SGCD: variants seen among roughly 807,000 people sequenced by gnomAD.
The protein encoded by SGCD is delta-sarcoglycan.
Under a neutral mutation model 36.6 loss-of-function variants are expected in SGCD, and 18 were observed. The observed-to-expected ratio is 0.49, with a 90% confidence interval of 0.34 to 0.73. The LOEUF (loss-of-function observed/expected upper bound fraction) is 0.73, where lower values mean the gene tolerates loss of function less well. Among genes scored for constraint, SGCD ranks in the 30% least tolerant of loss-of-function variants. The pLI is 0.01. For synonymous variants in SGCD, 133 were observed against 130.6 expected, an observed-to-expected ratio of 1.02 and a Z score of -0.12; for missense variants, 387 against 346.7, an observed-to-expected ratio of 1.12 and a Z score of -0.92.
chr5:155,900,514 G>A (rs190178017), intron 1 of SGCD, among the ~76,000 whole-genome samples: 3 of 151,618 alleles, frequency 2.0e-5, no homozygotes, highest in African/African-American at 4.8e-5. Flanking sequence ...ATGCTGGTGC[G>A]CTGCACCCAC....
At chr5:156,406,018 T>TAAAAAAAAAAAAAAAAAAAAAAAAAAA (rs10529406) in intron 3 of SGCD, among the ~76,000 whole-genome samples, 21 of 103,956 alleles carry the variant, frequency 2.0e-4, no homozygotes, top group Middle Eastern at 6.1e-3. Flanking sequence ...TATCTTTGCT[T>TAAAAAAAAAAAAAAAAAAAAAAAAAAA]AAAAAAAAAA....
intron 3 of SGCD, among the ~76,000 whole-genome samples, chr5:156,132,458 CTTTTTTTTTTTTTTT>C (rs573278623): frequency 9.7e-5 from 5 of 51,794 alleles, no homozygotes; most frequent in South Asian, 6.8e-4. Context: ...CTTACCAAGT[CTTTTTTTTTTTTTTT>C]TTTTTTTTTT....
chr5:156,756,179 A>C (rs1757327308), intron 7 of SGCD, among the ~76,000 whole-genome samples: 1 of 152,246 alleles, frequency 6.6e-6, no homozygotes, highest in Non-Finnish European at 1.5e-5. Context: ...ACCATTGCTG[A>C]GGTCTCCGTT....
intron 3 of SGCD, among the ~76,000 whole-genome samples, chr5:156,131,597 G>C (rs1197595067): frequency 6.6e-6 from 1 of 152,020 alleles, no homozygotes; most frequent in African/African-American, 2.4e-5. Flanking sequence ...ACTTAATTTT[G>C]GCTGAAAGCA....
At chr5:156,339,162 G>A (rs1417224967) in intron 2 of SGCD, among the ~76,000 whole-genome samples, 1 of 152,194 alleles carries the variant, frequency 6.6e-6, no homozygotes, top group African/African-American at 2.4e-5. Flanking sequence ...TTATATGATA[G>A]CATTGTCTTG....
chr5:156,553,990 G>T (rs968555254), intron 4 of SGCD, among the ~76,000 whole-genome samples: 1 of 152,098 alleles, frequency 6.6e-6, no homozygotes, highest in African/African-American at 2.4e-5. Flanking sequence ...CCCTTAATCC[G>T]TGGTTGTACT....
intron 3 of SGCD, among the ~76,000 whole-genome samples, chr5:156,455,288 A>G (rs532343197): frequency 6.6e-6 from 1 of 152,270 alleles, no homozygotes; most frequent in African/African-American, 2.4e-5. Context: ...GCAGTCAAGG[A>G]CGCAGGGTCC....
chr5:156,239,216 A>C (rs948762684), intron 3 of SGCD, among the ~76,000 whole-genome samples: 13 of 152,086 alleles, frequency 8.5e-5, no homozygotes, highest in African/African-American at 2.7e-4. Context: ...ACTGACCAAC[A>C]TGGCGAAACC....
chr5:155,930,583 C>G (rs1195479849), intron 1 of SGCD, among the ~76,000 whole-genome samples: 1 of 152,074 alleles, frequency 6.6e-6, no homozygotes, highest in Non-Finnish European at 1.5e-5. Context: ...TGGAGTAGAC[C>G]CAGGGGTTCA....
chr5:156,176,424 T>A (rs538803750), intron 3 of SGCD, among the ~76,000 whole-genome samples: 1 of 152,330 alleles, frequency 6.6e-6, no homozygotes, highest in Non-Finnish European at 1.5e-5. Flanking sequence ...TTTTTTGATA[T>A]GCTAGGAGAT....
At chr5:156,586,111 C>T (rs1444195403) in intron 4 of SGCD, among the ~76,000 whole-genome samples, 2 of 151,010 alleles carry the variant, frequency 1.3e-5, no homozygotes, top group Non-Finnish European at 2.9e-5. Flanking sequence ...GGATTGTATC[C>T]CGGAAACCAC....
intron 3 of SGCD, among the ~76,000 whole-genome samples, chr5:156,377,261 G>A (rs2055609): frequency 0.36 from 54,589 of 151,956 alleles, 11,023 homozygotes; most frequent in East Asian, 0.6. Context: ...AAATTTGGAG[G>A]GAGTAATTTA....
chr5:156,303,757 AGCTAGG>A (rs1354057988), intron 3 of SGCD, among the ~76,000 whole-genome samples: 5 of 151,538 alleles, frequency 3.3e-5, no homozygotes, highest in Non-Finnish European at 7.4e-5. Context: ...GTCATTCAGG[AGCTAGG>A]GCCTGGAATG....
intron 3 of SGCD, among the ~76,000 whole-genome samples, chr5:156,198,754 C>T (rs969707187): frequency 2.0e-5 from 3 of 152,130 alleles, no homozygotes; most frequent in Non-Finnish European, 4.4e-5. Flanking sequence ...TGAAGTGTGG[C>T]AGAGTTGTCT....
chr5:156,747,659 T>C (rs1359261851), intron 7 of SGCD, among the ~76,000 whole-genome samples: 3 of 152,108 alleles, frequency 2.0e-5, no homozygotes, highest in Admixed American at 1.3e-4. Context: ...GAGCCTAAGA[T>C]GGAAGCCACG....
At chr5:156,060,065 A>T (rs1760163941) in intron 1 of SGCD, among the ~76,000 whole-genome samples, 1 of 146,646 alleles carries the variant, frequency 6.8e-6, no homozygotes, top group African/African-American at 2.5e-5. Flanking sequence ...ATAAATTATG[A>T]ACTCTTCATA....
intron 3 of SGCD, among the ~76,000 whole-genome samples, chr5:156,247,501 GAGAA>G (rs1371782653): frequency 1.3e-5 from 2 of 152,158 alleles, no homozygotes; most frequent in African/African-American, 4.8e-5. Flanking sequence ...GCCATCATCT[GAGAA>G]AGAGACAGTA....
chr5:156,300,701 A>G (rs1419362739), intron 3 of SGCD, among the ~76,000 whole-genome samples: 2 of 152,048 alleles, frequency 1.3e-5, no homozygotes, highest in East Asian at 3.9e-4. Context: ...TCCAATGCTG[A>G]AACTGTGGTG....
At chr5:156,069,625 A>G (rs1039730131) in intron 1 of SGCD, among the ~76,000 whole-genome samples, 1 of 152,092 alleles carries the variant, frequency 6.6e-6, no homozygotes, top group African/African-American at 2.4e-5. Context: ...TTGGTTCCAT[A>G]TGAACTTTAA....
Sources: allele counts gnomAD v4.1 joint callset (sites outside exome capture counted in the v4.1 genomes callset), GRCh38; gene constraint gnomAD v4.1.1; transcripts MANE v1.5; gene names NCBI Gene and HGNC (gene_info 2026-07-23, HGNC 2026-07-21).